IRF3: variants seen among roughly 807,000 people sequenced by gnomAD.
The protein encoded by IRF3 is interferon regulatory factor 3.
Under a neutral mutation model 43.2 loss-of-function variants are expected in IRF3, and 29 were observed. The ratio of observed to expected loss-of-function variants is 0.67; its 90% CI spans 0.50 to 0.91. The LOEUF (loss-of-function observed/expected upper bound fraction) is 0.91. Among genes scored for constraint, IRF3 ranks in the 40% least tolerant of loss-of-function variants. IRF3 has a pLI of 0.00. For synonymous variants in IRF3, 228 were observed against 233.9 expected (o/e 0.97, Z 0.23); for missense variants, 505 against 559.1 (o/e 0.90, Z 0.98).
intron 7 of IRF3, 125 bp downstream of exon 7, chr19:49,660,588 T>C: frequency 1.0e-6 from 1 of 978,960 alleles, no homozygotes; most frequent in South Asian, 1.8e-5. Flanking sequence ...AAAAACTGGT[T>C]ATTGCAGAGA....
At position 49,659,609 on chromosome 19, in the gene IRF3, G is replaced by C. The variant is rs757666757; in HGVS notation, c.*39C>G. ...CCAGTTTATTGGTTGAGGTGGTGGG[G>C]AACAGGGGGGTTGGAGGCACACCAT... On this transcript the variant is annotated 3_prime_UTR_variant, in exon 8 of 8. Transcript: ENST00000377139. 6.3e-7 allele frequency: 1 copy of C among 1,584,526 alleles called. No individual in the cohort carries two copies. The highest frequency in any genetic ancestry group is 8.6e-7 in the Non-Finnish European group (1 of 1,165,414).
chr19:49,663,122 G>A (rs929973358), intron 4 of IRF3, 66 bp downstream of exon 4: 3 of 1,375,362 alleles, frequency 2.2e-6, no homozygotes, highest in African/African-American at 1.4e-5. Context: ...TCGTCTAGAG[G>A]GAGAGGACAA....
Position 49,664,734 on chromosome 19 carries a change from G to A in IRF3, c.105C>T (p.Arg35=). 1 of 1,614,076 alleles carries A rather than the reference G, an allele frequency of 6.2e-7. No homozygotes were observed. The highest frequency in any genetic ancestry group is 8.5e-7 in the Non-Finnish European group (1 of 1,179,978). Residue 35 remains arginine, a synonymous_variant, in exon 2 of 8, where the codon CGC becomes CGT. Transcript: ENST00000377139. ...GCCGTAGGCCGTGCTTCCAAGGGATGCGGAAGCGCGTGCGGCTCTTGTTCA... is the reference window on the plus strand; with the variant it reads ...GCCGTAGGCCGTGCTTCCAAGGGATACGGAAGCGCGTGCGGCTCTTGTTCA... The part of the protein sequence containing the change: ...AWVNKSRTRF[R]IPWKHGLRQD...
rs759148455 is a variant in IRF3 at position 49,663,189 on chromosome 19, T to C, written c.407A>G (p.Gln136Arg). 6 of 1,613,634 alleles carry C rather than the reference T, an allele frequency of 3.7e-6. No homozygotes were observed. The highest frequency in any genetic ancestry group is 3.3e-5 in the South Asian group (3 of 91,058). The change falls in exon 4 of 8, where the codon CAG becomes CGG. Residue 136 changes from glutamine (Q) to arginine (R), a missense_variant and splice_region_variant. Coordinates refer to ENST00000377139, the MANE Select transcript of IRF3 (RefSeq NM_001571.6). ...TNGGGSTSDT[Q>R]EDILDELLGN... is the part of the protein sequence containing the mutation. ...CATGAAAGTTGGGCACATTCTCACC[T>C]GGGTATCAGAAGTACTGCCTCCACC...
intron 1 of IRF3, 156 bp from the exon 2 acceptor site, chr19:49,665,002 C>T: frequency 2.7e-6 from 2 of 733,856 alleles, no homozygotes; most frequent in Non-Finnish European, 4.3e-6. Context: ...TTCCCATCCT[C>T]CCATCCTCCC....
intron 1 of IRF3, chr19:49,665,375 A>G (rs1419783619): frequency 1.1e-5 from 2 of 174,562 alleles, no homozygotes; most frequent in Non-Finnish European, 2.5e-5. Flanking sequence ...TCGAGACTGA[A>G]CTACCCCCAT....
rs780341342 is a variant in IRF3, at chr19:49,665,792, T to C, written c.-170A>G. 2.6e-6 allele frequency: 4 copies of C among 1,566,324 alleles called. No individual in the cohort carries two copies. Among genetic ancestry groups the C allele is most frequent in the East Asian group, 2.3e-5 (1 of 43,870 alleles). ...CGACTTCTTGAAATAAAACCAACTT[T>C]ATCATTCTTTGGGTAACAGACCCAA... On this transcript the variant is annotated 5_prime_UTR_variant, in exon 1 of 8. In the 5' UTR this introduces an upstream ATG that the reference lacks. Coordinates refer to ENST00000377139, the MANE Select transcript of IRF3 (RefSeq NM_001571.6).
In IRF3 at chr19:49,659,599, A is replaced by C; in HGVS notation, c.*49T>G. The C allele has an allele frequency of 6.4e-7, 1 of 1,573,628 alleles. No homozygotes were observed. Among genetic ancestry groups the C allele is most frequent in the African/African-American group, 1.4e-5 (1 of 73,906 alleles). ...ATAGCAGGAACCAGTTTATTGGTTGAGGTGGTGGGGAACAGGGGGGTTGGA... is the reference window on the plus strand; with the variant it reads ...ATAGCAGGAACCAGTTTATTGGTTGCGGTGGTGGGGAACAGGGGGGTTGGA... On this transcript the variant is annotated 3_prime_UTR_variant, in exon 8 of 8. Coordinates refer to ENST00000377139, the MANE Select transcript of IRF3 (RefSeq NM_001571.6).
intron 1 of IRF3, 58 bp downstream of exon 1, chr19:49,665,573 C>G: frequency 2.0e-6 from 1 of 512,008 alleles, no homozygotes; most frequent in East Asian, 3.3e-5. Context: ...GACCCATCCT[C>G]TTTCCCGCTC....
intron 6 of IRF3, chr19:49,661,695 T>G (rs554364824): frequency 4.9e-5 from 20 of 410,042 alleles, no homozygotes; most frequent in Admixed American, 1.2e-4. Flanking sequence ...TTCTCCTGCC[T>G]CAGCCTCCCG....
intron 6 of IRF3, chr19:49,661,115 C>A: frequency 2.4e-6 from 1 of 424,232 alleles, no homozygotes. Flanking sequence ...TCTGGAGAAG[C>A]TGGTTGGCAT....
chr19:49,662,834 A>T (rs1220450944), intron 4 of IRF3, among the ~76,000 whole-genome samples: 1 of 152,204 alleles, frequency 6.6e-6, no homozygotes, highest in African/African-American at 2.4e-5. Flanking sequence ...ATCTGGCTCT[A>T]TGCAGGTAAG....
At chr19:49,661,817 C>T in intron 6 of IRF3, 131 bp downstream of exon 6, 1 of 1,084,990 alleles carries the variant, frequency 9.2e-7, no homozygotes, top group Non-Finnish European at 1.3e-6. Context: ...CTGAACTTGT[C>T]ATCTGCCCAC....
At position 49,663,113 on chromosome 19, in the gene IRF3, C is replaced by T. The variant is rs558339309; in HGVS notation, c.408+75G>A. 7.0e-5 allele frequency: 90 copies of T among 1,292,578 alleles called. No homozygotes were observed. The African/African-American group carries it at 8.3e-4, about 12-fold the overall frequency. The allele number at this position is 1,292,578 out of a possible 1,614,324, so 80.1% of individuals were successfully genotyped here. A position where few individuals can be genotyped will look rare whatever the true frequency, so the allele number is the denominator to read the frequency against. ...GCTGGAGGCAGGGGAGTGGGGGGAT[C>T]GTCTAGAGGGAGAGGACAAGGCCCA... On this transcript the variant is annotated intron_variant, in intron 4 of 7. Coordinates refer to ENST00000377139, the MANE Select transcript of IRF3 (RefSeq NM_001571.6).
In IRF3 at chr19:49,663,177, C is replaced by T; in HGVS notation, c.408+11G>A. The T allele has an allele frequency of 6.2e-7, 1 of 1,612,286 alleles. No individual in the cohort carries two copies. Among genetic ancestry groups the T allele is most frequent in the Non-Finnish European group, 8.5e-7 (1 of 1,178,416 alleles). Reference sequence around the variant, plus strand: ...GAGACTGAGGGGCATGAAAGTTGGGCACATTCTCACCTGGGTATCAGAAGT... The same window carrying T: ...GAGACTGAGGGGCATGAAAGTTGGGTACATTCTCACCTGGGTATCAGAAGT... On this transcript the variant is annotated intron_variant, in intron 4 of 7. Transcript: ENST00000377139.
chr19:49,659,606 G>T lies in IRF3; in HGVS notation c.*42C>A. 6.3e-7 allele frequency: 1 copy of T among 1,581,220 alleles called. No individual in the cohort carries two copies. On this transcript the variant is annotated 3_prime_UTR_variant, in exon 8 of 8. Transcript: ENST00000377139. ...GAACCAGTTTATTGGTTGAGGTGGTGGGGAACAGGGGGGTTGGAGGCACAC... is the reference window on the plus strand; with the variant it reads ...GAACCAGTTTATTGGTTGAGGTGGTTGGGAACAGGGGGGTTGGAGGCACAC...
chr19:49,662,193 G>A lies in IRF3; in HGVS notation c.737C>T (p.Pro246Leu). The change falls in exon 6 of 8, where the codon CCA becomes CTA. Residue 246 changes from proline (P) to leucine (L), a missense_variant. Physicochemically the swap from Pro to Leu is moderately conservative, Grantham distance 98 (BLOSUM62 -3). Transcript: ENST00000377139. ...GTCTGTCAGGGACATGCCAGGGTCT[G>A]GCAGTGTGACTGGCCATCCAGGCAG... ...RTLPGWPVTL[P>L]DPGMSLTDRG... 2 of 1,614,148 alleles carry A rather than the reference G, an allele frequency of 1.2e-6. No homozygotes were observed. Among genetic ancestry groups the A allele is most frequent in the South Asian group, 1.1e-5 (1 of 91,092 alleles).
chr19:49,662,764 A>G, intron 4 of IRF3, 147 bp from the exon 5 acceptor site: 1 of 679,138 alleles, frequency 1.5e-6, no homozygotes, highest in South Asian at 1.9e-5. Context: ...AGAGCCAGCC[A>G]TGGCATCAAC....
rs1289280913 is a variant in IRF3 at position 49,662,028 on chromosome 19, G to A, written c.902C>T (p.Pro301Leu). ...TYWAVSEELL[P>L]NSGHGPDGEV... ...GCCATCAGGCCCATGCCCGCTGTTG[G>A]GGAGCAGCTCCTCGCTCACTGCCCA... Residue 301 changes from proline (P) to leucine (L), a missense_variant, in exon 6 of 8, where the codon CCC becomes CTC. By Grantham distance (98) the Pro-to-Leu change is moderately conservative. Transcript: ENST00000377139. 3 of 1,614,162 alleles carry A rather than the reference G, an allele frequency of 1.9e-6. No individual in the cohort carries two copies. Among genetic ancestry groups the A allele is most frequent in the Non-Finnish European group, 2.5e-6 (3 of 1,179,998 alleles).
Sources: allele counts gnomAD v4.1 joint callset (sites outside exome capture counted in the v4.1 genomes callset), GRCh38; gene constraint gnomAD v4.1.1; transcripts MANE v1.5; gene names NCBI Gene and HGNC (gene_info 2026-07-23, HGNC 2026-07-21).